SUFU: variants seen among roughly 807,000 people sequenced by gnomAD.
The protein encoded by SUFU is SUFU negative regulator of hedgehog signaling, also known as suppressor of fused homolog.
A neutral mutation model predicts 58.9 loss-of-function variants in SUFU; 7 were observed. That is an observed-to-expected ratio of 0.12 (90% CI 0.07 to 0.22). The LOEUF is 0.22. SUFU is among the 10% of genes least tolerant of loss of function. The probability of loss-of-function intolerance (pLI) is 1.00; values close to 1 mark genes in which losing one functional copy is unlikely to be tolerated. For synonymous variants in SUFU, 232 were observed against 254.8 expected (o/e 0.91, Z 0.85); for missense variants, 451 against 641.3 (o/e 0.70, Z 3.20).
chr10:102,505,039 G>A (rs1006144871), intron 1 of SUFU, among the ~76,000 whole-genome samples: 1 of 152,096 alleles, frequency 6.6e-6, no homozygotes, highest in Non-Finnish European at 1.5e-5. Flanking sequence ...CAGTTGCTTC[G>A]CTTTAGGGCA....
intron 10 of SUFU, chr10:102,618,713 A>G: frequency 2.8e-6 from 1 of 362,390 alleles, no homozygotes; most frequent in Non-Finnish European, 5.0e-6. Context: ...TACTGTAACA[A>G]AAGCTCTGAA....
At position 102,594,017 on chromosome 10, in the gene SUFU, T is replaced by A; in HGVS notation, c.708T>A (p.Thr236=). 6.2e-7 allele frequency: 1 copy of A among 1,614,170 alleles called. No homozygotes were observed. Among genetic ancestry groups the A allele is most frequent in the Non-Finnish European group, 8.5e-7 (1 of 1,180,016 alleles). Residue 236 remains threonine, a synonymous_variant, in exon 6 of 12, where the codon ACT becomes ACA. Coordinates refer to ENST00000369902, the MANE Select transcript of SUFU (RefSeq NM_016169.4). The part of the protein sequence containing the change: ...VPIAGGPWLI[T]DMRRGETIFE... Reference sequence around the variant, plus strand: ...GTGCTGGCGGCCCCTGGCTGATAACTGACATGCGGAGGGGAGAGACCATAT... The same window carrying A: ...GTGCTGGCGGCCCCTGGCTGATAACAGACATGCGGAGGGGAGAGACCATAT...
At chr10:102,552,376 T>G (rs2062928957) in intron 3 of SUFU, among the ~76,000 whole-genome samples, 2 of 151,870 alleles carry the variant, frequency 1.3e-5, no homozygotes, top group Admixed American at 1.3e-4. Context: ...GAGGCTGCAG[T>G]GAGCCATGAT....
At chr10:102,624,817 C>T (rs2063771809) in intron 10 of SUFU, among the ~76,000 whole-genome samples, 1 of 152,324 alleles carries the variant, frequency 6.6e-6, no homozygotes, top group East Asian at 1.9e-4. Context: ...TCTGGCGTCT[C>T]ACTGGGTGGC....
At chr10:102,549,885 A>T in intron 2 of SUFU, 85 bp from the exon 3 acceptor site, 1 of 1,564,990 alleles carries the variant, frequency 6.4e-7, no homozygotes, top group East Asian at 2.3e-5. Context: ...AGGCCACCAT[A>T]AAAAGGGGGA....
In SUFU at chr10:102,619,352, C is replaced by G. The variant is rs2135939821; in HGVS notation, c.1296+1924C>G. ...CTGAGGCCCAGCACCCGCTGGCTCCCCAGCACATGGTCCCCTCCCATGGGC... is the reference window on the plus strand; with the variant it reads ...CTGAGGCCCAGCACCCGCTGGCTCCGCAGCACATGGTCCCCTCCCATGGGC... On this transcript the variant is annotated intron_variant, in intron 10 of 11. Transcript: ENST00000369902. The surrounding 1 kb of genome is among the most constrained non-coding windows in gnomAD (Gnocchi z 4.2). The G allele has an allele frequency of 7.0e-7, 1 of 1,420,104 alleles. No homozygotes were observed. Among genetic ancestry groups the G allele is most frequent in the East Asian group, 2.5e-5 (1 of 39,246 alleles). 88.0% of individuals were successfully genotyped at this position (1,420,104 alleles called of 1,614,324 possible). A position where few individuals can be genotyped will look rare whatever the true frequency, so the allele number is the denominator to read the frequency against.
chr10:102,607,684 C>T (rs578212560), intron 8 of SUFU, among the ~76,000 whole-genome samples: 1 of 152,138 alleles, frequency 6.6e-6, no homozygotes, highest in Non-Finnish European at 1.5e-5. Context: ...GAGGCCAAGG[C>T]GTGCAGATCA....
At position 102,545,436 on chromosome 10, in the gene SUFU, G is replaced by A. The variant is rs372116346; in HGVS notation, c.318-4534G>A. On this transcript the variant is annotated intron_variant, in intron 2 of 11. Coordinates refer to ENST00000369902, the MANE Select transcript of SUFU (RefSeq NM_016169.4). The stretch of plus-strand genomic sequence containing the variant: ...GGCATGAGCCACTGCATCCAGCCAG[G>A]TTTTCAGTTCTCTTGGGCATATACT... Among the ~76,000 whole-genome samples, 10 of 151,860 alleles carry A rather than the reference G, an allele frequency of 6.6e-5. No individual in the cohort carries two copies. The South Asian group carries it at 2.1e-3, about 31-fold the overall frequency.
At chr10:102,542,446 T>TATATATATATATATATA (rs1564673286) in intron 2 of SUFU, among the ~76,000 whole-genome samples, 1 of 138,892 alleles carries the variant, frequency 7.2e-6, no homozygotes, top group Non-Finnish European at 1.5e-5. Context: ...ATATATATAT[T>TATATATATATATATATA]TTTTTTTAAG....
chr10:102,602,032 C>T (rs1406896546), intron 8 of SUFU, among the ~76,000 whole-genome samples: 2 of 152,192 alleles, frequency 1.3e-5, no homozygotes, highest in East Asian at 1.9e-4. Flanking sequence ...AGCCGGGTGC[C>T]GGCCTACTTG....
intron 3 of SUFU, among the ~76,000 whole-genome samples, chr10:102,552,401 C>T (rs1007172276): frequency 6.6e-6 from 1 of 151,912 alleles, no homozygotes; most frequent in African/African-American, 2.4e-5. Flanking sequence ...CCACCACATT[C>T]CAGGCTGGGC....
chr10:102,602,870 C>G (rs1408940077), intron 8 of SUFU, among the ~76,000 whole-genome samples: 2 of 152,178 alleles, frequency 1.3e-5, no homozygotes, highest in African/African-American at 4.8e-5. Flanking sequence ...TCTGGCTTTT[C>G]CCAAGATGAT....
chr10:102,622,431 G>C (rs1219048287), intron 10 of SUFU, among the ~76,000 whole-genome samples: 1 of 151,950 alleles, frequency 6.6e-6, no homozygotes, highest in Non-Finnish European at 1.5e-5. Context: ...CCAATGTGGA[G>C]AAACCCCATC....
chr10:102,572,770 A>G (rs867424667), intron 3 of SUFU: 1 of 766,130 alleles, frequency 1.3e-6, no homozygotes, highest in Non-Finnish European at 2.4e-6. Context: ...AATGATCCCA[A>G]TTTTGTTGGC....
At chr10:102,513,635 C>T (rs944872393) in intron 2 of SUFU, among the ~76,000 whole-genome samples, 2 of 152,204 alleles carry the variant, frequency 1.3e-5, no homozygotes, top group African/African-American at 2.4e-5. Flanking sequence ...TCTAGTGAGG[C>T]TGCTGAATTG....
chr10:102,558,524 T>G (rs1377802272), intron 3 of SUFU, among the ~76,000 whole-genome samples: 1 of 152,182 alleles, frequency 6.6e-6, no homozygotes, highest in Admixed American at 6.5e-5. Flanking sequence ...GCTTTAAACT[T>G]TGGACATTTC....
At chr10:102,512,002 G>C (rs1283502929) in intron 2 of SUFU, among the ~76,000 whole-genome samples, 2 of 152,154 alleles carry the variant, frequency 1.3e-5, no homozygotes, top group Non-Finnish European at 2.9e-5. Flanking sequence ...GTGAACCACT[G>C]TATTCAGCCT....
intron 3 of SUFU, among the ~76,000 whole-genome samples, chr10:102,573,707 G>A (rs73338660): frequency 0.03 from 4,570 of 152,216 alleles, 236 homozygotes; most frequent in African/African-American, 0.1. Context: ...GAGACATTAT[G>A]GCAAGTGAAA....
At chr10:102,549,321 G>T (rs904490329) in intron 2 of SUFU, among the ~76,000 whole-genome samples, 3 of 152,254 alleles carry the variant, frequency 2.0e-5, no homozygotes, top group Non-Finnish European at 2.9e-5. Context: ...GGAAGGAGAA[G>T]AGGGTGGCAG....
Sources: gnomAD v4.1 joint callset for allele counts (sites outside exome capture counted in the v4.1 genomes callset) on GRCh38, gnomAD v4.1.1 for gene constraint, Gnocchi (gnomAD v3.1) non-coding constraint, MANE v1.5 for transcripts, NCBI Gene and HGNC (gene_info 2026-07-23, HGNC 2026-07-21) for gene names.